The following TNR variants were observed in gnomAD, a reference collection of about 807,000 sequenced individuals.
TNR encodes tenascin-R.
In TNR, 45 loss-of-function variants were observed where a neutral mutation model predicts 150.4. The ratio of observed to expected loss-of-function variants is 0.30; its 90% confidence interval spans 0.24 to 0.38. TNR has a LOEUF of 0.38. Among genes scored for constraint, TNR ranks in the 10% least tolerant of loss-of-function variants. The probability of loss-of-function intolerance (pLI) is 1.00; values close to 1 mark genes in which losing one functional copy is unlikely to be tolerated. For synonymous variants in TNR, 687 were observed against 678.4 expected, an observed-to-expected ratio of 1.01 and a Z score of -0.20; for missense variants, 1,544 against 1,759.1, an observed-to-expected ratio of 0.88 and a Z score of 2.19.
intron 1 of TNR, among the ~76,000 whole-genome samples, chr1:175,617,264 G>A (rs1663808671): frequency 6.6e-6 from 1 of 152,128 alleles, no homozygotes; most frequent in Non-Finnish European, 1.5e-5. Context: ...ATCTTCCTAT[G>A]TCCTCTCCCC....
chr1:175,421,883 G>GAAGGA (rs1202538804), intron 2 of TNR, among the ~76,000 whole-genome samples: 1 of 152,218 alleles, frequency 6.6e-6, no homozygotes, highest in East Asian at 1.9e-4. Flanking sequence ...GTTGTGCCAT[G>GAAGGA]AAGGAAAGGA....
intron 1 of TNR, among the ~76,000 whole-genome samples, chr1:175,602,126 A>G (rs1663261338): frequency 7.6e-6 from 1 of 132,082 alleles, no homozygotes; most frequent in Non-Finnish European, 1.5e-5. Context: ...TAATATAAAT[A>G]TTTGTCCTCC....
intron 1 of TNR, among the ~76,000 whole-genome samples, chr1:175,593,393 A>G (rs193068279): frequency 1.1e-3 from 119 of 110,102 alleles, no homozygotes; most frequent in African/African-American, 3.8e-3. Context: ...GTGTAGATCA[A>G]TCGGAACCAA....
intron 1 of TNR, among the ~76,000 whole-genome samples, chr1:175,655,977 TA>T (rs1369810089): frequency 6.6e-6 from 1 of 151,874 alleles, no homozygotes. Context: ...AGTGTAGGGA[TA>T]GGGGGTGCTG....
chr1:175,405,538 G>C (rs1001600824), intron 3 of TNR, among the ~76,000 whole-genome samples: 7 of 152,126 alleles, frequency 4.6e-5, no homozygotes, highest in African/African-American at 1.2e-4. Context: ...CTTTTGGAGG[G>C]TGCACTAAGT....
chr1:175,588,168 G>C (rs905196585), intron 1 of TNR, among the ~76,000 whole-genome samples: 1 of 152,216 alleles, frequency 6.6e-6, no homozygotes, highest in East Asian at 1.9e-4. Context: ...AATTCAATAA[G>C]ATATTCCATA....
intron 2 of TNR, among the ~76,000 whole-genome samples, chr1:175,410,671 G>C (rs1001449949): frequency 2.2e-4 from 34 of 152,190 alleles, no homozygotes; most frequent in African/African-American, 7.7e-4. Flanking sequence ...GAAGTGGTGT[G>C]TGTCTTTTCT....
Position 175,330,066 on chromosome 1 carries a change from A to T in TNR, c.3793+8T>A, listed in dbSNP as rs377360796. 1.9e-6 allele frequency: 3 copies of T among 1,569,182 alleles called. No homozygotes were observed. The highest frequency in any genetic ancestry group is 2.6e-6 in the Non-Finnish European group (3 of 1,148,780). On this transcript the variant is annotated splice_region_variant and intron_variant, in intron 21 of 22. Coordinates refer to ENST00000367674, the MANE Select transcript of TNR (RefSeq NM_003285.3). ...TGTCCTTGGGGTCTGCTCAGGAGCCATAGGTACCCGCAGTGCCGTTGTAGC... is the reference window on the plus strand; with the variant it reads ...TGTCCTTGGGGTCTGCTCAGGAGCCTTAGGTACCCGCAGTGCCGTTGTAGC...
At chr1:175,655,514 C>T (rs958808259) in intron 1 of TNR, among the ~76,000 whole-genome samples, 1 of 152,224 alleles carries the variant, frequency 6.6e-6, no homozygotes, top group Non-Finnish European at 1.5e-5. Context: ...ACTCCTCACT[C>T]CATTCTCTTT....
chr1:175,657,163 G>A (rs1294790786), intron 1 of TNR, among the ~76,000 whole-genome samples: 1 of 152,164 alleles, frequency 6.6e-6, no homozygotes, highest in Non-Finnish European at 1.5e-5. Context: ...ATGTTCTGAG[G>A]TCCCCATCAA....
chr1:175,714,732 C>T (rs749094293), intron 1 of TNR, among the ~76,000 whole-genome samples: 2 of 152,182 alleles, frequency 1.3e-5, no homozygotes, highest in Non-Finnish European at 2.9e-5. Context: ...TCATCAGGGC[C>T]TCAACTGTAA....
chr1:175,574,595 A>C (rs565199411), intron 1 of TNR, among the ~76,000 whole-genome samples: 2 of 152,280 alleles, frequency 1.3e-5, no homozygotes, highest in East Asian at 3.9e-4. Context: ...ATACACACAC[A>C]CACACACAAC....
At chr1:175,325,510 A>G (rs1205094741) in intron 21 of TNR, among the ~76,000 whole-genome samples, 1 of 152,212 alleles carries the variant, frequency 6.6e-6, no homozygotes, top group Non-Finnish European at 1.5e-5. Context: ...CAGCCATCCC[A>G]TTACTGGGTA....
intron 1 of TNR, among the ~76,000 whole-genome samples, chr1:175,650,920 C>A (rs1362422309): frequency 4.6e-5 from 2 of 43,708 alleles, no homozygotes; most frequent in Non-Finnish European, 4.7e-5. Flanking sequence ...ATTACTACCC[C>A]TCCCCACCTC....
chr1:175,610,347 A>C (rs1420698462), intron 1 of TNR, among the ~76,000 whole-genome samples: 1 of 152,210 alleles, frequency 6.6e-6, no homozygotes, highest in Non-Finnish European at 1.5e-5. Context: ...TTGTTTACCC[A>C]TGGCAAGGCC....
intron 5 of TNR, among the ~76,000 whole-genome samples, chr1:175,394,749 T>C (rs1298172779): frequency 6.6e-6 from 1 of 152,232 alleles, no homozygotes; most frequent in Non-Finnish European, 1.5e-5. Flanking sequence ...CTCATGCTTC[T>C]TGGTTGGAAG....
intron 3 of TNR, among the ~76,000 whole-genome samples, chr1:175,405,381 A>G (rs1386845332): frequency 6.6e-6 from 1 of 152,236 alleles, no homozygotes; most frequent in Admixed American, 6.5e-5. Flanking sequence ...TTAGGTCATC[A>G]GCTAGGAAGC....
intron 1 of TNR, among the ~76,000 whole-genome samples, chr1:175,586,090 G>T (rs1380492550): frequency 1.3e-5 from 2 of 152,100 alleles, no homozygotes; most frequent in Non-Finnish European, 2.9e-5. Context: ...GATGAGTACG[G>T]GACTGGAAGA....
intron 2 of TNR, among the ~76,000 whole-genome samples, chr1:175,461,571 A>G (rs966151648): frequency 2.0e-5 from 3 of 152,178 alleles, no homozygotes; most frequent in African/African-American, 7.2e-5. Flanking sequence ...AAATCTCTAC[A>G]TCTATCTTAA....
Sources: gnomAD v4.1 joint callset for allele counts (sites outside exome capture counted in the v4.1 genomes callset) on GRCh38, gnomAD v4.1.1 for gene constraint, MANE v1.5 for transcripts, NCBI Gene and HGNC (gene_info 2026-07-23, HGNC 2026-07-21) for gene names.